IGF2BP2: variants seen among roughly 807,000 people sequenced by gnomAD.
The protein encoded by IGF2BP2 is insulin-like growth factor 2 mRNA-binding protein 2.
A neutral mutation model predicts 75.8 loss-of-function variants in IGF2BP2; 17 were observed. The observed-to-expected ratio is 0.22, with a 90% CI of 0.15 to 0.34. The LOEUF is 0.34. Among genes scored for constraint, IGF2BP2 ranks in the 10% least tolerant of loss-of-function variants. The pLI is 1.00. For synonymous variants in IGF2BP2, 288 were observed against 295.6 expected, an observed-to-expected ratio of 0.97 and a Z score of 0.26; for missense variants, 516 against 772.4, an observed-to-expected ratio of 0.67 and a Z score of 3.93.
At chr3:185,749,895 T>C (rs1393526239) in intron 2 of IGF2BP2, among the ~76,000 whole-genome samples, 1 of 152,174 alleles carries the variant, frequency 6.6e-6, no homozygotes, top group Admixed American at 6.5e-5. Flanking sequence ...CACACATCTT[T>C]AACAAAAATT....
intron 2 of IGF2BP2, among the ~76,000 whole-genome samples, chr3:185,794,669 C>A (rs1737113470): frequency 6.6e-6 from 1 of 151,168 alleles, no homozygotes; most frequent in African/African-American, 2.4e-5. Flanking sequence ...AAAAAAAACC[C>A]ATAAAATTTA....
intron 2 of IGF2BP2, among the ~76,000 whole-genome samples, chr3:185,747,513 T>C (rs1166464632): frequency 2.0e-5 from 3 of 152,004 alleles, no homozygotes; most frequent in African/African-American, 7.2e-5. Flanking sequence ...ACCCCATCTC[T>C]ACTAAAAATA....
chr3:185,725,154 C>T (rs1474048661), intron 2 of IGF2BP2: 1 of 152,268 alleles, frequency 6.6e-6, no homozygotes, highest in Non-Finnish European at 1.5e-5. Flanking sequence ...CCAAGACAAA[C>T]CATCCCACTG....
At chr3:185,754,023 T>C (rs1186705770) in intron 2 of IGF2BP2, among the ~76,000 whole-genome samples, 2 of 151,772 alleles carry the variant, frequency 1.3e-5, no homozygotes, top group Admixed American at 1.3e-4. Flanking sequence ...GGGCAACATG[T>C]TGAAACCCCA....
At chr3:185,771,294 AGCC>A (rs1468244654) in intron 2 of IGF2BP2, among the ~76,000 whole-genome samples, 4 of 152,110 alleles carry the variant, frequency 2.6e-5, no homozygotes, top group Non-Finnish European at 1.5e-5. Context: ...TATAAAAAAT[AGCC>A]AGGTGTGGTG....
chr3:185,713,088 G>T (rs1275573751), intron 2 of IGF2BP2, among the ~76,000 whole-genome samples: 1 of 151,702 alleles, frequency 6.6e-6, no homozygotes, highest in African/African-American at 2.4e-5. Context: ...GTGTGTGTGT[G>T]TGTGTGTGTG....
chr3:185,694,870 T>A (rs1422072772), intron 4 of IGF2BP2, among the ~76,000 whole-genome samples: 2 of 152,196 alleles, frequency 1.3e-5, no homozygotes, highest in Non-Finnish European at 2.9e-5. Context: ...GTGGATCACT[T>A]GAGGCCGGGA....
At chr3:185,716,318 A>G (rs865800083) in intron 2 of IGF2BP2, 3 of 402,418 alleles carry the variant, frequency 7.5e-6, no homozygotes, top group Middle Eastern at 2.0e-3. Flanking sequence ...TTTCTGCAGC[A>G]TTTATCCAAT....
At chr3:185,740,658 T>G (rs528700550) in intron 2 of IGF2BP2, among the ~76,000 whole-genome samples, 1 of 152,350 alleles carries the variant, frequency 6.6e-6, no homozygotes, top group Admixed American at 6.5e-5. Context: ...GCTACTCTTA[T>G]CATTGCTTCT....
chr3:185,654,252 G>T (rs1715067651), intron 12 of IGF2BP2, among the ~76,000 whole-genome samples: 1 of 152,162 alleles, frequency 6.6e-6, no homozygotes, highest in South Asian at 2.1e-4. Flanking sequence ...CAGGGCCTCG[G>T]CCGAAAAACA....
chr3:185,708,254 T>C (rs1463853915), intron 2 of IGF2BP2, among the ~76,000 whole-genome samples: 1 of 152,194 alleles, frequency 6.6e-6, no homozygotes, highest in African/African-American at 2.4e-5. Flanking sequence ...GAATTATTAA[T>C]TCACCAAAAA....
chr3:185,655,698 C>T (rs1295797589), intron 12 of IGF2BP2, among the ~76,000 whole-genome samples: 2 of 152,206 alleles, frequency 1.3e-5, no homozygotes, highest in Non-Finnish European at 2.9e-5. Flanking sequence ...TGGGATGCAG[C>T]CCATGCGACT....
chr3:185,718,684 C>CAA (rs10699427), intron 2 of IGF2BP2, among the ~76,000 whole-genome samples: 1,433 of 49,024 alleles, frequency 0.029, 86 homozygotes, highest in African/African-American at 0.041. Flanking sequence ...GACTCTGTCT[C>CAA]AAAAAAAAAA....
intron 2 of IGF2BP2, among the ~76,000 whole-genome samples, chr3:185,768,325 C>T (rs890199089): frequency 1.3e-5 from 2 of 152,146 alleles, no homozygotes; most frequent in African/African-American, 4.8e-5. Context: ...AGTGAAGAAC[C>T]TGGGCGACAT....
chr3:185,657,205 G>T, intron 12 of IGF2BP2, 81 bp downstream of exon 12: 1 of 913,164 alleles, frequency 1.1e-6, no homozygotes. Context: ...GTGTGGCGCT[G>T]CCTGGGACTG....
In IGF2BP2 at chr3:185,660,733, G is replaced by C. The variant is rs78798033; in HGVS notation, c.1201-2324C>G. On this transcript the variant is annotated intron_variant, in intron 10 of 15. Coordinates refer to ENST00000382199, the MANE Select transcript of IGF2BP2 (RefSeq NM_006548.6). ...CCCCCTGGAAAGAACATCAGCTCCA[G>C]AGCTTTCTCTGCAGGTCCGTGTCCT... Among the ~76,000 whole-genome samples the C allele has an allele frequency of 5.8e-4, 88 of 152,340 alleles. 2 individuals are homozygous for C. In the East Asian group the frequency reaches 0.016, roughly 27 times the overall value.
intron 2 of IGF2BP2, among the ~76,000 whole-genome samples, chr3:185,788,294 C>T (rs1736159746): frequency 6.6e-6 from 1 of 152,114 alleles, no homozygotes; most frequent in African/African-American, 2.4e-5. Flanking sequence ...CCGAGGTGGG[C>T]TGATCGCTTG....
chr3:185,709,921 A>G (rs1449090574), intron 2 of IGF2BP2, among the ~76,000 whole-genome samples: 1 of 152,204 alleles, frequency 6.6e-6, no homozygotes, highest in African/African-American at 2.4e-5. Flanking sequence ...GGAGAATGGG[A>G]TGATCTCTAA....
chr3:185,820,220 GTGTATA>G (rs1741168351), intron 2 of IGF2BP2, among the ~76,000 whole-genome samples: 2 of 124,570 alleles, frequency 1.6e-5, no homozygotes, highest in Admixed American at 1.6e-4. Context: ...GTGTGTGTAT[GTGTATA>G]TATACACATA....
Sources: allele counts gnomAD v4.1 joint callset (sites outside exome capture counted in the v4.1 genomes callset), GRCh38; gene constraint gnomAD v4.1.1; transcripts MANE v1.5; gene names NCBI Gene and HGNC (gene_info 2026-07-23, HGNC 2026-07-21).